Variants in FBXL13 observed in about 807,000 individuals in gnomAD.
FBXL13 encodes the protein F-box and leucine-rich repeat protein 13.
In FBXL13, 67 loss-of-function variants were observed where a neutral mutation model predicts 83.6. That is an observed-to-expected ratio of 0.80 (90% CI 0.66 to 0.98). The LOEUF (loss-of-function observed/expected upper bound fraction) is 0.98. Among genes scored for constraint, FBXL13 ranks in the 50% least tolerant of loss-of-function variants. FBXL13 has a pLI of 0.00. For synonymous variants in FBXL13, 272 were observed against 299.5 expected (o/e 0.91, Z 0.95); for missense variants, 822 against 866.5 (o/e 0.95, Z 0.64).
intron 16 of FBXL13, among the ~76,000 whole-genome samples, chr7:102,872,671 C>T (rs1157478444): frequency 6.6e-6 from 1 of 152,202 alleles, no homozygotes; most frequent in African/African-American, 2.4e-5. Flanking sequence ...TTCCCACATA[C>T]ATGGAGATAT....
intron 11 of FBXL13, among the ~76,000 whole-genome samples, chr7:102,900,539 A>T (rs1812835045): frequency 6.6e-6 from 1 of 152,210 alleles, no homozygotes; most frequent in African/African-American, 2.4e-5. Flanking sequence ...ATGAATTGTC[A>T]ATTTTCCTTC....
chr7:102,858,600 C>T (rs777470062), intron 16 of FBXL13, among the ~76,000 whole-genome samples: 19 of 152,124 alleles, frequency 1.2e-4, no homozygotes, highest in Non-Finnish European at 2.4e-4. Flanking sequence ...ACCCAAATGC[C>T]TATCAGTTGA....
chr7:103,040,023 A>C (rs1795496931), intron 2 of FBXL13, among the ~76,000 whole-genome samples: 1 of 151,816 alleles, frequency 6.6e-6, no homozygotes, highest in Non-Finnish European at 1.5e-5. Flanking sequence ...AAAGACACAA[A>C]CTGGCATACT....
At chr7:103,027,614 A>G in intron 4 of FBXL13, 56 bp from the exon 6 acceptor site, 6 of 1,139,392 alleles carry the variant, frequency 5.3e-6, no homozygotes, top group Non-Finnish European at 7.6e-6. Flanking sequence ...TGTTTCCAAA[A>G]AACACAAAGT....
chr7:103,052,756 CT>C (rs67278019), intron 2 of FBXL13, among the ~76,000 whole-genome samples: 41,498 of 133,886 alleles, frequency 0.31, 4,939 homozygotes, highest in East Asian at 0.53. Flanking sequence ...AATTCCTTTT[CT>C]TTTTTTTTTT....
At chr7:102,877,184 C>T (rs1226035539) in intron 16 of FBXL13, among the ~76,000 whole-genome samples, 1 of 152,102 alleles carries the variant, frequency 6.6e-6, no homozygotes, top group Non-Finnish European at 1.5e-5. Context: ...CCATACTGAC[C>T]AAACTTCTGT....
At chr7:102,885,796 C>T (rs909654423) in intron 11 of FBXL13, among the ~76,000 whole-genome samples, 1 of 152,206 alleles carries the variant, frequency 6.6e-6, no homozygotes, top group Non-Finnish European at 1.5e-5. Flanking sequence ...AATTTTTATA[C>T]ATAGTGTGAG....
At chr7:103,068,805 C>G (rs1798640633) in intron 1 of FBXL13, among the ~76,000 whole-genome samples, 1 of 152,192 alleles carries the variant, frequency 6.6e-6, no homozygotes, top group African/African-American at 2.4e-5. Context: ...AGTGTTCACA[C>G]AGGAGGCTGA....
At chr7:103,021,195 T>C (rs1042875721) in intron 6 of FBXL13, among the ~76,000 whole-genome samples, 1 of 152,218 alleles carries the variant, frequency 6.6e-6, no homozygotes, top group Non-Finnish European at 1.5e-5. Context: ...TACAACCATC[T>C]GATCTTTGAC....
chr7:102,967,501 G>A (rs751012052), intron 7 of FBXL13, among the ~76,000 whole-genome samples: 1 of 152,184 alleles, frequency 6.6e-6, no homozygotes, highest in Non-Finnish European at 1.5e-5. Context: ...TCAAACTCCT[G>A]ACCTCAGGTG....
intron 18 of FBXL13, among the ~76,000 whole-genome samples, chr7:102,832,414 T>C (rs1800861175): frequency 6.6e-6 from 1 of 152,220 alleles, no homozygotes; most frequent in Non-Finnish European, 1.5e-5. Flanking sequence ...AGATGCAAAT[T>C]ATTTGTATCT....
At chr7:102,837,169 G>T (rs1223006872) in intron 17 of FBXL13, among the ~76,000 whole-genome samples, 1 of 152,232 alleles carries the variant, frequency 6.6e-6, no homozygotes, top group Non-Finnish European at 1.5e-5. Flanking sequence ...CAATGGCCTT[G>T]TTCCCACTGG....
chr7:103,018,574 A>C (rs564817871), intron 6 of FBXL13, among the ~76,000 whole-genome samples: 1 of 152,328 alleles, frequency 6.6e-6, no homozygotes, highest in African/African-American at 2.4e-5. Flanking sequence ...GTATTCAGGA[A>C]ACCAATTTCA....
chr7:102,858,024 C>T (rs1806280824), intron 16 of FBXL13, among the ~76,000 whole-genome samples: 1 of 152,138 alleles, frequency 6.6e-6, no homozygotes, highest in African/African-American at 2.4e-5. Flanking sequence ...GCACTACTCA[C>T]AATAGCTAAG....
intron 6 of FBXL13, among the ~76,000 whole-genome samples, chr7:102,970,054 TAGCCTGGGCAACATAGTG>T (rs1826450522): frequency 6.6e-6 from 1 of 151,950 alleles, no homozygotes; most frequent in South Asian, 2.1e-4. Flanking sequence ...AGTTCAAGAC[TAGCCTGGGCAACATAGTG>T]AAACCCCATT....
intron 11 of FBXL13, 167 bp downstream of exon 12, chr7:102,912,919 T>C (rs62484946): frequency 0.027 from 22,840 of 839,388 alleles, 407 homozygotes; most frequent in Admixed American, 0.042. Flanking sequence ...GAGCCTATAA[T>C]AGCGATCCTG....
At chr7:102,952,307 A>G (rs777777483) in intron 8 of FBXL13, among the ~76,000 whole-genome samples, 4 of 152,208 alleles carry the variant, frequency 2.6e-5, no homozygotes, top group Non-Finnish European at 4.4e-5. Context: ...AATATACTTA[A>G]TGCTACAGAA....
rs76313960 is a variant in FBXL13 at position 102,922,534 on chromosome 7, T to C, written c.878+3740A>G. 4.0e-3 allele frequency among the ~76,000 whole-genome samples: 610 copies of C among 152,304 alleles called. 6 individuals are homozygous for C. Among genetic ancestry groups the C allele is most frequent in the African/African-American group, 0.013 (561 of 41,576 alleles). On this transcript the variant is annotated intron_variant, in intron 10 of 19. Coordinates refer to ENST00000313221, the Ensembl canonical transcript of FBXL13. ...TTTACTATTTTGCGGATATAAAGGA[T>C]GTGTAGCACGCAACTTACAAATGAT... is the stretch of plus-strand genomic sequence containing the variant.
intron 8 of FBXL13, among the ~76,000 whole-genome samples, chr7:102,959,233 T>C (rs1373233987): frequency 6.6e-6 from 1 of 152,066 alleles, no homozygotes; most frequent in East Asian, 1.9e-4. Flanking sequence ...CAATAATCAA[T>C]CAGAATTATT....
Sources: allele counts gnomAD v4.1 joint callset (sites outside exome capture counted in the v4.1 genomes callset), GRCh38; gene constraint gnomAD v4.1.1; transcripts MANE v1.5; gene names NCBI Gene and HGNC (gene_info 2026-07-23, HGNC 2026-07-21).